SLC25A26: variants seen among roughly 807,000 people sequenced by gnomAD.
SLC25A26 encodes solute carrier family 25 member 26.
A neutral mutation model predicts 37.8 loss-of-function variants in SLC25A26; 36 were observed. The ratio of observed to expected loss-of-function variants is 0.95; its 90% CI spans 0.73 to 1.26. The LOEUF (loss-of-function observed/expected upper bound fraction) is 1.26, where lower values mean the gene tolerates loss of function less well. Ranked by LOEUF, SLC25A26 falls within the 50% of genes most tolerant of loss-of-function variation. SLC25A26 has a pLI of 0.00. For synonymous variants in SLC25A26, 129 were observed against 122.5 expected, an observed-to-expected ratio of 1.05 and a Z score of -0.35; for missense variants, 390 against 331.1, an observed-to-expected ratio of 1.18 and a Z score of -1.38.
intron 1 of SLC25A26, among the ~76,000 whole-genome samples, chr3:66,213,360 A>G (rs1036642799): frequency 1.7e-4 from 22 of 131,700 alleles, no homozygotes; most frequent in African/African-American, 5.5e-4. Flanking sequence ...AGATCATGCC[A>G]CTGCACTCCA....
intron 1 of SLC25A26, among the ~76,000 whole-genome samples, chr3:66,150,601 GAGATATATAT>G (rs2070188947): frequency 2.4e-5 from 1 of 40,838 alleles, no homozygotes; most frequent in Non-Finnish European, 4.4e-5. Context: ...TATATGTAAT[GAGATATATAT>G]ATATATATAT....
intron 5 of SLC25A26, among the ~76,000 whole-genome samples, chr3:66,328,026 A>G (rs1044992276): frequency 1.3e-5 from 2 of 152,122 alleles, no homozygotes; most frequent in African/African-American, 2.4e-5. Flanking sequence ...GTGAAGGAGG[A>G]AAGTTTGTTA....
intron 1 of SLC25A26, among the ~76,000 whole-genome samples, chr3:66,143,280 A>C (rs1477653033): frequency 6.6e-6 from 1 of 152,174 alleles, no homozygotes; most frequent in Non-Finnish European, 1.5e-5. Flanking sequence ...GGCTATCGTG[A>C]ATAGTGCTGG....
chr3:66,359,917 C>T (rs1008474934), intron 6 of SLC25A26, among the ~76,000 whole-genome samples: 7 of 152,210 alleles, frequency 4.6e-5, no homozygotes, highest in East Asian at 1.9e-4. Context: ...TATTTGATAG[C>T]TGCACTCTCA....
At chr3:66,369,400 C>A in intron 7 of SLC25A26, 78 bp from the exon 8 acceptor site, 1 of 1,225,044 alleles carries the variant, frequency 8.2e-7, no homozygotes, top group Non-Finnish European at 1.2e-6. Flanking sequence ...GTGATTTGGG[C>A]AGAGTCAGGA....
At chr3:66,201,574 G>C (rs1386105692) in intron 1 of SLC25A26, among the ~76,000 whole-genome samples, 1 of 152,062 alleles carries the variant, frequency 6.6e-6, no homozygotes, top group Non-Finnish European at 1.5e-5. Context: ...GGGCCCAATC[G>C]AGCTGTCCAC....
intron 5 of SLC25A26, among the ~76,000 whole-genome samples, chr3:66,318,344 G>T (rs975467861): frequency 6.6e-6 from 1 of 152,198 alleles, no homozygotes; most frequent in Non-Finnish European, 1.5e-5. Context: ...TGGATTGCAA[G>T]AATCTGTGGG....
At chr3:66,244,441 T>A (rs374454315) in intron 3 of SLC25A26, among the ~76,000 whole-genome samples, 25 of 152,298 alleles carry the variant, frequency 1.6e-4, no homozygotes, top group African/African-American at 6.0e-4. Context: ...CATAGAAGAT[T>A]TGAACAACAC....
intron 9 of SLC25A26, 40 bp from the exon 10 acceptor site, chr3:66,377,650 A>G (rs768790822): frequency 6.6e-7 from 1 of 1,514,458 alleles, no homozygotes; most frequent in Non-Finnish European, 9.2e-7. Context: ...ACCTTTTTTT[A>G]AAATACGCAC....
chr3:66,167,406 A>C (rs530175943), intron 1 of SLC25A26, among the ~76,000 whole-genome samples: 47 of 152,226 alleles, frequency 3.1e-4, no homozygotes, highest in Non-Finnish European at 6.2e-4. Flanking sequence ...GGAAAGGAAC[A>C]ATAGAGAATG....
chr3:66,272,651 A>G (rs1051100134), intron 5 of SLC25A26, among the ~76,000 whole-genome samples: 1 of 152,098 alleles, frequency 6.6e-6, no homozygotes, highest in Non-Finnish European at 1.5e-5. Context: ...GACCTACCCC[A>G]TCCCTGATCA....
At chr3:66,209,389 C>T (rs2071242599) in intron 1 of SLC25A26, among the ~76,000 whole-genome samples, 1 of 133,396 alleles carries the variant, frequency 7.5e-6, no homozygotes, top group African/African-American at 2.7e-5. Flanking sequence ...GTACATGTAT[C>T]TATATGTATG....
At chr3:66,266,525 T>C (rs2107318340) in intron 5 of SLC25A26, among the ~76,000 whole-genome samples, 1 of 151,984 alleles carries the variant, frequency 6.6e-6, no homozygotes, top group East Asian at 1.9e-4. Context: ...TTTGAGTCCA[T>C]GCATTATAAG....
chr3:66,268,255 T>C (rs1208132050), intron 5 of SLC25A26, among the ~76,000 whole-genome samples: 2 of 152,360 alleles, frequency 1.3e-5, no homozygotes, highest in East Asian at 1.9e-4. Flanking sequence ...GTTGAATGTT[T>C]GCAGGTTACA....
chr3:66,273,157 T>C (rs577422782), intron 5 of SLC25A26, among the ~76,000 whole-genome samples: 15 of 152,264 alleles, frequency 9.9e-5, no homozygotes, highest in African/African-American at 3.6e-4. Context: ...TTGATCATGG[T>C]GGATAAGCTT....
intron 1 of SLC25A26, among the ~76,000 whole-genome samples, chr3:66,204,951 A>T (rs1224661949): frequency 1.3e-5 from 2 of 152,178 alleles, no homozygotes; most frequent in African/African-American, 4.8e-5. Context: ...GGGAGGGCTA[A>T]TGGGGCTCTG....
intron 1 of SLC25A26, among the ~76,000 whole-genome samples, chr3:66,162,184 C>T (rs1252984009): frequency 1.3e-5 from 2 of 152,086 alleles, no homozygotes; most frequent in Non-Finnish European, 2.9e-5. Flanking sequence ...TGTCTGTGTT[C>T]ATCCAAATCT....
intron 3 of SLC25A26, chr3:66,261,719 A>G (rs913417469): frequency 3.5e-5 from 7 of 199,654 alleles, no homozygotes; most frequent in Non-Finnish European, 7.0e-5. Flanking sequence ...TTGAAATGTC[A>G]TGTGCCAGTT....
chr3:66,342,761 A>G (rs1286855808), intron 5 of SLC25A26, among the ~76,000 whole-genome samples: 1 of 152,126 alleles, frequency 6.6e-6, no homozygotes, highest in African/African-American at 2.4e-5. Context: ...GTATAGAATT[A>G]TTGCTCTGTT....
Sources: allele counts gnomAD v4.1 joint callset (sites outside exome capture counted in the v4.1 genomes callset), GRCh38; gene constraint gnomAD v4.1.1; transcripts MANE v1.5; gene names NCBI Gene and HGNC (gene_info 2026-07-23, HGNC 2026-07-21).